DDAH1: variants seen among roughly 807,000 people sequenced by gnomAD.
DDAH1 encodes dimethylarginine dimethylaminohydrolase 1, also known as N(G),N(G)-dimethylarginine dimethylaminohydrolase 1.
In DDAH1, 19 loss-of-function variants were observed where a neutral mutation model predicts 28.8. The observed-to-expected ratio is 0.66, with a 90% confidence interval of 0.46 to 0.97. The LOEUF is 0.97. Among genes scored for constraint, DDAH1 ranks in the 50% least tolerant of loss-of-function variants. DDAH1 has a pLI of 0.00. For synonymous variants in DDAH1, 153 were observed against 154.4 expected (o/e 0.99, Z 0.07); for missense variants, 326 against 375.9 (o/e 0.87, Z 1.10).
chr1:85,369,420 C>G (rs1013310658), intron 1 of DDAH1, among the ~76,000 whole-genome samples: 1 of 152,142 alleles, frequency 6.6e-6, no homozygotes, highest in African/African-American at 2.4e-5. Flanking sequence ...CTTGTTTAGA[C>G]AGGGCATAGC....
chr1:85,344,244 C>T (rs1648691694), intron 4 of DDAH1, among the ~76,000 whole-genome samples: 1 of 151,720 alleles, frequency 6.6e-6, no homozygotes, highest in Non-Finnish European at 1.5e-5. Context: ...TATTGTGATA[C>T]AAAAGAACAG....
At chr1:85,456,119 T>C (rs1014768778) in intron 1 of DDAH1, among the ~76,000 whole-genome samples, 1 of 151,860 alleles carries the variant, frequency 6.6e-6, no homozygotes, top group Admixed American at 6.6e-5. Context: ...CCCTCAGCTA[T>C]TTGATCTTAA....
chr1:85,395,202 G>C (rs1175496454), intron 1 of DDAH1, among the ~76,000 whole-genome samples: 2 of 152,098 alleles, frequency 1.3e-5, no homozygotes, highest in Non-Finnish European at 2.9e-5. Context: ...AGGCAGGAAG[G>C]AACTATTAAG....
chr1:85,451,374 C>G (rs940898729), intron 1 of DDAH1, among the ~76,000 whole-genome samples: 2 of 152,158 alleles, frequency 1.3e-5, no homozygotes, highest in African/African-American at 4.8e-5. Flanking sequence ...GGACTGATCA[C>G]TGATGGAAGA....
intron 1 of DDAH1, among the ~76,000 whole-genome samples, chr1:85,564,739 G>A (rs138722718): frequency 0.045 from 6,753 of 151,752 alleles, 200 homozygotes; most frequent in East Asian, 0.11. Context: ...GCATGGTGGC[G>A]GGTGCCTGTA....
intron 1 of DDAH1, among the ~76,000 whole-genome samples, chr1:85,415,417 C>A (rs569606038): frequency 5.0e-4 from 76 of 152,314 alleles, no homozygotes; most frequent in African/African-American, 1.8e-3. Context: ...CAAGCCAGCT[C>A]TACTTCTAGA....
intron 1 of DDAH1, among the ~76,000 whole-genome samples, chr1:85,362,847 A>T (rs1649863713): frequency 6.6e-6 from 1 of 152,222 alleles, no homozygotes; most frequent in South Asian, 2.1e-4. Context: ...TTTCAAAAAC[A>T]AGTAAAAGAT....
At chr1:85,469,498 C>A (rs930830769), upstream of DDAH1, among the ~76,000 whole-genome samples, 5 of 152,188 alleles carry the variant, frequency 3.3e-5, no homozygotes, top group African/African-American at 1.2e-4. Flanking sequence ...GTTAATATTG[C>A]AAAGTGCTTA....
intron 1 of DDAH1, among the ~76,000 whole-genome samples, chr1:85,372,978 C>A (rs1650464007): frequency 1.5e-5 from 2 of 131,332 alleles, no homozygotes; most frequent in East Asian, 4.3e-4. Context: ...CGGCAAAAAA[C>A]CACTATTAGT....
At chr1:85,537,896 A>T (rs1299257494) in intron 1 of DDAH1, among the ~76,000 whole-genome samples, 4 of 151,856 alleles carry the variant, frequency 2.6e-5, no homozygotes, top group Non-Finnish European at 5.9e-5. Flanking sequence ...AAACCAAAAA[A>T]CAAAAAAACC....
chr1:85,435,208 G>A (rs1238479933), intron 1 of DDAH1: 1 of 152,190 alleles, frequency 6.6e-6, no homozygotes, highest in African/African-American at 2.4e-5. Flanking sequence ...TGAGAAGGCA[G>A]GGGAAGGGTA....
At chr1:85,322,602 T>C (rs1200242256) in intron 5 of DDAH1, among the ~76,000 whole-genome samples, 2 of 152,196 alleles carry the variant, frequency 1.3e-5, no homozygotes, top group African/African-American at 4.8e-5. Context: ...AACCTACTAC[T>C]TAAAGAATTA....
intron 1 of DDAH1, among the ~76,000 whole-genome samples, chr1:85,547,389 G>A (rs1658659014): frequency 6.6e-6 from 1 of 152,090 alleles, no homozygotes; most frequent in Non-Finnish European, 1.5e-5. Context: ...ACTATCCCAG[G>A]GTCACACAGT....
chr1:85,503,915 G>A (rs1656916909), intron 1 of DDAH1, among the ~76,000 whole-genome samples: 1 of 152,120 alleles, frequency 6.6e-6, no homozygotes, highest in South Asian at 2.1e-4. Context: ...AACGATCCAG[G>A]AGGTGAATCA....
chr1:85,367,562 T>G (rs1262130721), intron 1 of DDAH1, among the ~76,000 whole-genome samples: 1 of 152,232 alleles, frequency 6.6e-6, no homozygotes, highest in Non-Finnish European at 1.5e-5. Context: ...TAAGTGATTT[T>G]GCATGGATTA....
intron 1 of DDAH1, among the ~76,000 whole-genome samples, chr1:85,386,780 C>T (rs1470679640): frequency 1.3e-5 from 2 of 152,306 alleles, no homozygotes; most frequent in East Asian, 1.9e-4. Flanking sequence ...CTCCACCCTG[C>T]AGCAAGCTTC....
chr1:85,483,661 C>T (rs1229482281), intron 2 of DDAH1, among the ~76,000 whole-genome samples: 3 of 152,208 alleles, frequency 2.0e-5, no homozygotes, highest in Admixed American at 1.3e-4. Context: ...TAAAGCTTCA[C>T]ATCAATTTTG....
At chr1:85,501,024 T>A (rs1570614225) in intron 1 of DDAH1, among the ~76,000 whole-genome samples, 1 of 152,214 alleles carries the variant, frequency 6.6e-6, no homozygotes, top group Non-Finnish European at 1.5e-5. Context: ...TTTTAAAGCC[T>A]TTGCTTGCTA....
intron 1 of DDAH1, among the ~76,000 whole-genome samples, chr1:85,382,426 G>A (rs567570766): frequency 6.6e-6 from 1 of 152,284 alleles, no homozygotes; most frequent in South Asian, 2.1e-4. Flanking sequence ...TTTAAAGGTA[G>A]CAGAGGCTGG....
Sources: allele counts gnomAD v4.1 joint callset (sites outside exome capture counted in the v4.1 genomes callset), GRCh38; gene constraint gnomAD v4.1.1; transcripts MANE v1.5; gene names NCBI Gene and HGNC (gene_info 2026-07-23, HGNC 2026-07-21).